Variants in FAN1 observed in about 807,000 individuals in gnomAD.
The protein encoded by FAN1 is FANCD2 and FANCI associated nuclease 1, also known as fanconi-associated nuclease 1.
Under a neutral mutation model 104.9 loss-of-function variants are expected in FAN1, and 91 were observed. The ratio of observed to expected loss-of-function variants is 0.87; its 90% CI spans 0.73 to 1.03. The LOEUF is 1.03. FAN1 is among the 50% of genes least tolerant of loss of function. FAN1 has a pLI of 0.00. For missense variants in FAN1, 1,263 were observed against 1,239.9 expected (o/e 1.02, Z -0.28); for synonymous variants, 478 against 457.6 (o/e 1.04, Z -0.57).
In FAN1 at chr15:30,927,051, C is replaced by T. The variant is rs569733464; in HGVS notation, c.2488+1112C>T. The T allele has an allele frequency of 1.5e-5, 15 of 981,536 alleles. No homozygotes were observed. The South Asian group carries it at 5.7e-4, about 37-fold the overall frequency. The allele number at this position is 981,536 out of a possible 1,614,324, so 60.8% of individuals were successfully genotyped here. On this transcript the variant is annotated intron_variant, in intron 10 of 14. Transcript: ENST00000362065. ...AACGAACCAGGCACGGTAGCTTACA[C>T]TTGTAATCCCAGCACTTGGGGAGGC...
At chr15:30,940,749 G>A in intron 14 of FAN1, 1 of 989,824 alleles carries the variant, frequency 1.0e-6, no homozygotes, top group Non-Finnish European at 1.2e-6. Flanking sequence ...ATATGCAATG[G>A]GATTTTCCCA....
At chr15:30,920,293 C>T (rs1414086186) in intron 6 of FAN1, among the ~76,000 whole-genome samples, 2 of 152,214 alleles carry the variant, frequency 1.3e-5, no homozygotes, top group Non-Finnish European at 2.9e-5. Context: ...CTGGGTTTGG[C>T]TGTGGGCCGG....
chr15:30,940,117 T>C, intron 14 of FAN1: 1 of 985,360 alleles, frequency 1.0e-6, no homozygotes, highest in Non-Finnish European at 1.2e-6. Flanking sequence ...TTCCATATCT[T>C]AGGATGGCAG....
At chr15:30,940,435 C>A in intron 14 of FAN1, 3 of 984,908 alleles carry the variant, frequency 3.0e-6, no homozygotes, top group Non-Finnish European at 3.6e-6. Flanking sequence ...TATTCCTAAG[C>A]ATTAGGAACT....
chr15:30,904,684 T>C lies in FAN1; in HGVS notation c.21T>C (p.Pro7=). 1 of 1,605,534 alleles carries C rather than the reference T, an allele frequency of 6.2e-7. No homozygotes were observed. The highest frequency in any genetic ancestry group is 8.5e-7 in the Non-Finnish European group (1 of 1,176,060). Reference sequence around the variant, plus strand: ...TACTCATGATGTCAGAAGGGAAACCTCCTGACAAAAAAAGGCCTCGTAGAA... The same window carrying C: ...TACTCATGATGTCAGAAGGGAAACCCCCTGACAAAAAAAGGCCTCGTAGAA... MMSEGK[P]PDKKRPRRSL... is the part of the protein sequence containing the mutation. Residue 7 remains proline (P), a synonymous_variant, in exon 2 of 15, where the codon CCT becomes CCC. Transcript: ENST00000362065.
intron 7 of FAN1, 133 bp from the exon 8 acceptor site, chr15:30,922,102 G>A (rs760581243): frequency 2.6e-6 from 3 of 1,157,714 alleles, no homozygotes; most frequent in Non-Finnish European, 3.7e-6. Flanking sequence ...GTCAGTTCGG[G>A]GTCCTTGGCC....
At chr15:30,915,329 A>G (rs1404604035) in intron 5 of FAN1, among the ~76,000 whole-genome samples, 1 of 152,186 alleles carries the variant, frequency 6.6e-6, no homozygotes, top group Non-Finnish European at 1.5e-5. Context: ...AAGGTTGGTT[A>G]ACAGATACAA....
In FAN1 at chr15:30,937,801, T is replaced by C. The variant is rs530920550; in HGVS notation, c.*3+542T>C. Among the ~76,000 whole-genome samples the C allele has an allele frequency of 6.6e-5, 10 of 152,102 alleles. No individual in the cohort carries two copies. In the South Asian group the frequency reaches 2.1e-3, roughly 32 times the overall value. The stretch of plus-strand genomic sequence containing the variant: ...AAGAGAAAAATTTTGTTGACCATTA[T>C]TGGAGCTGGATGCATCTATATGATT... On this transcript the variant is annotated intron_variant, in intron 14 of 14. Transcript: ENST00000362065.
chr15:30,936,184 G>A (rs1451773618), intron 13 of FAN1, among the ~76,000 whole-genome samples: 1 of 152,126 alleles, frequency 6.6e-6, no homozygotes, highest in Non-Finnish European at 1.5e-5. Flanking sequence ...CCTTCATGAA[G>A]ATGACATGTA....
In FAN1 at chr15:30,927,378, G is replaced by C. The variant is rs1358294790; in HGVS notation, c.2489-1175G>C. ...GAAGAAAAGTCCTCCTGGAAGACTT[G>C]GCAACAGCCAGGAGTCCTGAGTGAA... is the stretch of plus-strand genomic sequence containing the variant. On this transcript the variant is annotated intron_variant, in intron 10 of 14. Transcript: ENST00000362065. 4 of 985,530 alleles carry C rather than the reference G, an allele frequency of 4.1e-6. No individual in the cohort carries two copies. In the African/African-American group the frequency reaches 7.0e-5, roughly 17 times the overall value. The allele number at this position is 985,530 out of a possible 1,614,324, so 61.0% of individuals were successfully genotyped here. A position where few individuals can be genotyped will look rare whatever the true frequency, so the allele number is the denominator to read the frequency against.
At chr15:30,941,526 A>C (rs2063052296) in intron 14 of FAN1, 40 bp from the exon 15 acceptor site, 2 of 1,610,672 alleles carry the variant, frequency 1.2e-6, no homozygotes. Context: ...CCACTTAAAA[A>C]TTTGCTTAAT....
chr15:30,942,040 C>A lies in FAN1; in HGVS notation c.*478C>A. 6.2e-7 allele frequency: 1 copy of A among 1,613,882 alleles called. No homozygotes were observed. On this transcript the variant is annotated 3_prime_UTR_variant, in exon 15 of 15. Coordinates refer to ENST00000362065, the MANE Select transcript of FAN1 (RefSeq NM_014967.5). ...TGATGATTCCATTCTTTAAGGCAGA[C>A]GGCATTCCTCTTAGTGTGGAGCTGT...
rs1595829371 is a variant in FAN1 at position 30,908,218 on chromosome 15, T to G, written c.1335T>G (p.Pro445=). The G allele has an allele frequency of 6.2e-7, 1 of 1,608,732 alleles. No individual in the cohort carries two copies. The highest frequency in any genetic ancestry group is 1.1e-5 in the South Asian group (1 of 89,264). Residue 445 remains proline, a synonymous_variant, in exon 3 of 15, where the codon CCT becomes CCG. Coordinates refer to ENST00000362065, the MANE Select transcript of FAN1 (RefSeq NM_014967.5). The part of the protein sequence containing the change: ...EYEEIALDLT[P]VIEELTNAGF... The stretch of plus-strand genomic sequence containing the variant: ...AAGAGATTGCCTTAGACTTAACACC[T>G]GTGATTGAAGAATTGACGAATGCAG...
intron 14 of FAN1, among the ~76,000 whole-genome samples, chr15:30,937,632 A>G (rs2062898515): frequency 6.6e-6 from 1 of 151,548 alleles, no homozygotes; most frequent in Non-Finnish European, 1.5e-5. Flanking sequence ...TTGTATTTTT[A>G]GTAGAGACGG....
In FAN1 at chr15:30,904,580, A is replaced by C; in HGVS notation, c.-84A>C. On this transcript the variant is annotated 5_prime_UTR_variant, in exon 2 of 15. Coordinates refer to ENST00000362065, the MANE Select transcript of FAN1 (RefSeq NM_014967.5). Reference sequence around the variant, plus strand: ...TCCCACTTTTGGTGATTTCAAGTCAAGAAAGTAAAAGTAAACCATTGCTAT... The same window carrying C: ...TCCCACTTTTGGTGATTTCAAGTCACGAAAGTAAAAGTAAACCATTGCTAT... The C allele has an allele frequency of 7.2e-7, 1 of 1,385,346 alleles. No homozygotes were observed. The highest frequency in any genetic ancestry group is 1.0e-6 in the Non-Finnish European group (1 of 980,284). The allele number at this position is 1,385,346 out of a possible 1,614,324, so 85.8% of individuals were successfully genotyped here. A position where few individuals can be genotyped will look rare whatever the true frequency, so the allele number is the denominator to read the frequency against.
At chr15:30,909,022 T>C (rs961407652) in intron 3 of FAN1, among the ~76,000 whole-genome samples, 3 of 152,230 alleles carry the variant, frequency 2.0e-5, no homozygotes, top group East Asian at 3.8e-4. Flanking sequence ...TTGATTGCCT[T>C]AAGCATTGTT....
chr15:30,928,613 T>C lies in FAN1; in HGVS notation c.2549T>C (p.Ile850Thr). ...TATGGCCTCCTCCTGTGGGACATCA[T>C]CTTCATGGATGGGATTCCGGATGTC... is the stretch of plus-strand genomic sequence containing the variant. ...TLYGLLLWDI[I>T]FMDGIPDVFR... Residue 850 changes from isoleucine to threonine, a missense_variant, in exon 11 of 15, where the codon ATC becomes ACC. Physicochemically the swap from Ile to Thr is moderately conservative, Grantham distance 89. Coordinates refer to ENST00000362065, the MANE Select transcript of FAN1 (RefSeq NM_014967.5). 1 of 1,613,360 alleles carries C rather than the reference T, an allele frequency of 6.2e-7. No homozygotes were observed. Among genetic ancestry groups the C allele is most frequent in the Non-Finnish European group, 8.5e-7 (1 of 1,179,856 alleles).
At chr15:30,938,498 CTAATAACTAGATAGGGG>C (rs2062931418) in intron 14 of FAN1, among the ~76,000 whole-genome samples, 1 of 152,156 alleles carries the variant, frequency 6.6e-6, no homozygotes, top group African/African-American at 2.4e-5. Context: ...GGGACCATCC[CTAATAACTAGATAGGGG>C]TATTTTCTCT....
intron 10 of FAN1, chr15:30,927,997 T>C (rs1835301147): frequency 3.9e-5 from 38 of 985,732 alleles, no homozygotes; most frequent in Non-Finnish European, 4.3e-5. Context: ...GTAAAAGCCT[T>C]GACTATCGGA....
Sources: allele counts gnomAD v4.1 joint callset (sites outside exome capture counted in the v4.1 genomes callset), GRCh38; gene constraint gnomAD v4.1.1; transcripts MANE v1.5; gene names NCBI Gene and HGNC (gene_info 2026-07-23, HGNC 2026-07-21).